DES: variants seen among roughly 807,000 people sequenced by gnomAD.
DES encodes the protein cardiomyopathy, dilated 1F (autosomal dominant).
Under a neutral mutation model 55.1 loss-of-function variants are expected in DES, and 34 were observed. That is an observed-to-expected ratio of 0.62 (90% CI 0.47 to 0.82). The LOEUF is 0.82. Among genes scored for constraint, DES ranks in the 40% least tolerant of loss-of-function variants. The pLI is 0.00. For missense variants in DES, 596 were observed against 645.9 expected, an observed-to-expected ratio of 0.92 and a Z score of 0.84; for synonymous variants, 259 against 270.8, an observed-to-expected ratio of 0.96 and a Z score of 0.43.
chr2:219,421,306 C>G, intron 5 of DES, 34 bp from the exon 6 acceptor site: 1 of 1,611,808 alleles, frequency 6.2e-7, no homozygotes, highest in Non-Finnish European at 8.5e-7. Context: ...GTGTCCTCTT[C>G]CCTTCCTTGA....
chr2:219,423,792 C>A lies in DES; in HGVS notation c.1260C>A (p.Ile420=). 1 of 1,613,910 alleles carries A rather than the reference C, an allele frequency of 6.2e-7. No homozygotes were observed. Among genetic ancestry groups the A allele is most frequent in the African/African-American group, 1.3e-5 (1 of 75,022 alleles). ...EGEESRINLP[I]QTYSALNFRE... The stretch of plus-strand genomic sequence containing the variant: ...TCCCTTTTAGGATCAATCTCCCCAT[C>A]CAGACCTACTCTGCCCTCAACTTCC... Residue 420 remains isoleucine (I), a synonymous_variant, in exon 7 of 9, where the codon ATC becomes ATA. Coordinates refer to ENST00000373960, the MANE Select transcript of DES (RefSeq NM_001927.4).
Position 219,425,737 on chromosome 2 carries a change from G to A in DES, c.1363G>A (p.Asp455Asn), listed in dbSNP as rs778998180. 4.4e-6 allele frequency: 7 copies of A among 1,605,056 alleles called. No homozygotes were observed. Among genetic ancestry groups the A allele is most frequent in the South Asian group, 2.2e-5 (2 of 89,106 alleles). Residue 455 changes from aspartate to asparagine, a missense_variant, in exon 8 of 9, where the codon GAT becomes AAT. Physicochemically the swap from Asp to Asn is conservative, Grantham distance 23. Coordinates refer to ENST00000373960, the MANE Select transcript of DES (RefSeq NM_001927.4). ...GATGATCAAGACCATCGAGACACGG[G>A]ATGGGGAGGTAAGTGGTCTGTCTGG... ...TVMIKTIETR[D>N]GEVVSEATQQ...
Position 219,419,964 on chromosome 2 carries a change from T to G in DES, c.579-131T>G. 2.1e-6 allele frequency: 2 copies of G among 945,204 alleles called. No homozygotes were observed. Among genetic ancestry groups the G allele is most frequent in the South Asian group, 2.7e-5 (2 of 73,258 alleles). 58.6% of individuals were successfully genotyped at this position (945,204 alleles called of 1,614,324 possible). A position where few individuals can be genotyped will look rare whatever the true frequency, so the allele number is the denominator to read the frequency against. On this transcript the variant is annotated intron_variant, in intron 1 of 8. Coordinates refer to ENST00000373960, the MANE Select transcript of DES (RefSeq NM_001927.4). This position sits in a 1 kb window ranked among gnomAD's most constrained non-coding sequence, Gnocchi z 4.3. ...GTGGGGCCTCTCCACTCCCTGTCTCTCCTGCCTCTACCCAGCAGCCAGGCC... is the reference window on the plus strand; with the variant it reads ...GTGGGGCCTCTCCACTCCCTGTCTCGCCTGCCTCTACCCAGCAGCCAGGCC...
At position 219,420,280 on chromosome 2, in the gene DES, T is replaced by C. The variant is rs75882680; in HGVS notation, c.669T>C (p.Ile223=). The C allele has an allele frequency of 5.4e-3, 8,730 of 1,614,180 alleles. 315 individuals carry two copies. The African/African-American group carries it at 0.091, about 17-fold the overall frequency. ...ADVDAATLAR[I]DLERRIESLN... The stretch of plus-strand genomic sequence containing the variant: ...TGGATGCAGCTACTCTAGCTCGCAT[T>C]GACCTGGAGCGCAGAATTGAATCTC... Residue 223 remains isoleucine (I), a synonymous_variant, in exon 3 of 9, where the codon ATT becomes ATC. Transcript: ENST00000373960. The surrounding 1 kb of genome is among the most constrained non-coding windows in gnomAD (Gnocchi z 6.0).
chr2:219,423,862 C>T, intron 7 of DES, 42 bp downstream of exon 7: 2 of 1,609,352 alleles, frequency 1.2e-6, no homozygotes, highest in East Asian at 4.5e-5. Context: ...TTGCAGGGGC[C>T]AGGAGTCCAG....
Position 219,418,501 on chromosome 2 carries a change from C to G in DES, c.39C>G (p.Ser13=). The part of the protein sequence containing the change: ...QAYSSSQRVS[S]YRRTFGGAPG... ...ACTCGTCCAGCCAGCGCGTGTCCTC[C>G]TACCGCCGCACCTTCGGCGGGGCCC... The change falls in exon 1 of 9, where the codon TCC becomes TCG. Residue 13 remains serine, a synonymous_variant. Transcript: ENST00000373960. 6.2e-7 allele frequency: 1 copy of G among 1,602,906 alleles called. No individual in the cohort carries two copies. Among genetic ancestry groups the G allele is most frequent in the Non-Finnish European group, 8.5e-7 (1 of 1,177,050 alleles).
intron 6 of DES, among the ~76,000 whole-genome samples, chr2:219,421,779 G>A (rs1954449925): frequency 6.6e-6 from 1 of 151,926 alleles, no homozygotes; most frequent in Admixed American, 6.6e-5. Flanking sequence ...CAATTCTCCT[G>A]CCTCAGCTTC....
chr2:219,418,735 C>T lies in DES; in HGVS notation c.273C>T (p.Phe91=), dbSNP rs1025329460. The change falls in exon 1 of 9, where the codon TTC becomes TTT. Residue 91 remains phenylalanine (F), a synonymous_variant. Coordinates refer to ENST00000373960, the MANE Select transcript of DES (RefSeq NM_001927.4). ...ACGGCGCAGGCGAGCTGCTGGACTT[C>T]TCACTGGCCGACGCGGTGAACCAGG... ...SSYGAGELLD[F]SLADAVNQEF... The T allele has an allele frequency of 1.3e-6, 2 of 1,562,290 alleles. No individual in the cohort carries two copies. The highest frequency in any genetic ancestry group is 1.7e-6 in the Non-Finnish European group (2 of 1,152,766).
rs1954359744 is a variant in DES at position 219,418,499 on chromosome 2, TCCTACCGCCGCA to T, written c.41_52del (p.Tyr14_Thr17del). The stretch of plus-strand genomic sequence containing the variant: ...CTACTCGTCCAGCCAGCGCGTGTCC[TCCTACCGCCGCA>T]CCTTCGGCGGGGCCCCGGGCTTCCC... On this transcript the variant is annotated inframe_deletion, in exon 1 of 9. Transcript: ENST00000373960. The T allele has an allele frequency of 6.2e-7, 1 of 1,602,328 alleles. No homozygotes were observed. Among genetic ancestry groups the T allele is most frequent in the South Asian group, 1.1e-5 (1 of 90,322 alleles).
chr2:219,425,810 T>G, intron 8 of DES, 65 bp downstream of exon 8: 1 of 1,595,610 alleles, frequency 6.3e-7, no homozygotes, highest in Non-Finnish European at 8.6e-7. Context: ...GGGGACTGTC[T>G]TCCACCCAGC....
intron 7 of DES, among the ~76,000 whole-genome samples, chr2:219,424,440 G>A (rs192540553): frequency 3.3e-5 from 5 of 152,250 alleles, no homozygotes; most frequent in East Asian, 3.9e-4. Flanking sequence ...AAAGCAAGTC[G>A]GAGTCCTTGG....
chr2:219,420,408 G>A lies in DES; in HGVS notation c.735+62G>A. On this transcript the variant is annotated intron_variant, in intron 3 of 8. Coordinates refer to ENST00000373960, the MANE Select transcript of DES (RefSeq NM_001927.4). This position sits in a 1 kb window ranked among gnomAD's most constrained non-coding sequence, Gnocchi z 6.0. ...ATGGGGAAAGCAGCCGGAAAGTGGGGTTGGGGTGAGGCTCTGGCTGGGAAT... is the reference window on the plus strand; with the variant it reads ...ATGGGGAAAGCAGCCGGAAAGTGGGATTGGGGTGAGGCTCTGGCTGGGAAT... 6.2e-7 allele frequency: 1 copy of A among 1,612,566 alleles called. No individual in the cohort carries two copies. The highest frequency in any genetic ancestry group is 8.5e-7 in the Non-Finnish European group (1 of 1,179,246).
chr2:219,421,207 T>C (rs1245989221), intron 5 of DES, 133 bp from the exon 6 acceptor site: 1 of 1,039,158 alleles, frequency 9.6e-7, no homozygotes. Context: ...TGTTCACATA[T>C]AGACTTAATT....
Position 219,418,517 on chromosome 2 carries a change from GGCGGGGCCCCGGGCTTCCCA to G in DES, c.56_75del (p.Gly19AlafsTer18). 6.2e-7 allele frequency: 1 copy of G among 1,603,202 alleles called. No homozygotes were observed. Among genetic ancestry groups the G allele is most frequent in the Non-Finnish European group, 8.5e-7 (1 of 1,176,508 alleles). On this transcript the variant is annotated frameshift_variant, in exon 1 of 9. Coordinates refer to ENST00000373960, the MANE Select transcript of DES (RefSeq NM_001927.4). LOFTEE classifies it high-confidence loss of function. ...CGTGTCCTCCTACCGCCGCACCTTC[GGCGGGGCCCCGGGCTTCCCA>G]CTCGGCTCCCCGCTGAGTTCGCCCG...
At chr2:219,424,594 A>C (rs1037052295) in intron 7 of DES, among the ~76,000 whole-genome samples, 4 of 152,216 alleles carry the variant, frequency 2.6e-5, no homozygotes, top group African/African-American at 9.7e-5. Flanking sequence ...CCAAACTCAT[A>C]ATACCAAGGA....
In DES at chr2:219,420,142, CT is replaced by C; in HGVS notation, c.627del (p.Ala210ProfsTer11). The C allele has an allele frequency of 6.2e-7, 1 of 1,614,236 alleles. No individual in the cohort carries two copies. Among genetic ancestry groups the C allele is most frequent in the Non-Finnish European group, 8.5e-7 (1 of 1,180,046 alleles). ...QLKEEAENNL[A>X]AFRADVDAAT... The stretch of plus-strand genomic sequence containing the variant: ...AAGGAAGAAGCAGAGAACAATTTGG[CT>C]GCCTTCCGAGCGGTGAGTGCCCTTC... On this transcript the variant is annotated frameshift_variant, in exon 2 of 9. Transcript: ENST00000373960. LOFTEE classifies it high-confidence loss of function. This position sits in a 1 kb window ranked among gnomAD's most constrained non-coding sequence, Gnocchi z 6.0.
In DES at chr2:219,425,985, C is replaced by T. The variant is rs1060503172; in HGVS notation, c.1408C>T (p.Leu470Phe). The change falls in exon 9 of 9, where the codon CTC becomes TTC. Residue 470 changes from leucine to phenylalanine, a missense_variant. Leu to Phe is a conservative substitution (Grantham distance 22, BLOSUM62 0). Transcript: ENST00000373960. ...SEATQQQHEV[L>F] is the part of the protein sequence containing the mutation. ...GGCCACACAGCAGCAGCATGAAGTG[C>T]TCTAAAGACAGAGACCCTCTGCCAC... 1 of 1,614,016 alleles carries T rather than the reference C, an allele frequency of 6.2e-7. No homozygotes were observed. The highest frequency in any genetic ancestry group is 8.5e-7 in the Non-Finnish European group (1 of 1,179,990).
In DES at chr2:219,418,774, G is replaced by T. The variant is rs1447880636; in HGVS notation, c.312G>T (p.Thr104=). The T allele has an allele frequency of 6.4e-7, 1 of 1,563,136 alleles. No individual in the cohort carries two copies. The highest frequency in any genetic ancestry group is 2.4e-5 in the East Asian group (1 of 42,286). ...ADAVNQEFLT[T]RTNEKVELQE... ...CGGTGAACCAGGAGTTTCTGACCACGCGCACCAACGAGAAGGTGGAGCTGC... is the reference window on the plus strand; with the variant it reads ...CGGTGAACCAGGAGTTTCTGACCACTCGCACCAACGAGAAGGTGGAGCTGC... The change falls in exon 1 of 9, where the codon ACG becomes ACT. Residue 104 remains threonine (T), a synonymous_variant. Coordinates refer to ENST00000373960, the MANE Select transcript of DES (RefSeq NM_001927.4).
chr2:219,424,850 G>A (rs1954507122), intron 7 of DES, among the ~76,000 whole-genome samples: 1 of 152,218 alleles, frequency 6.6e-6, no homozygotes, highest in African/African-American at 2.4e-5. Context: ...CAATGAGTCA[G>A]TGCCTTATTC....
Sources: gnomAD v4.1 joint callset for allele counts (sites outside exome capture counted in the v4.1 genomes callset) on GRCh38, gnomAD v4.1.1 for gene constraint, Gnocchi (gnomAD v3.1) non-coding constraint, MANE v1.5 for transcripts, NCBI Gene and HGNC (gene_info 2026-07-23, HGNC 2026-07-21) for gene names.